PAH: variants seen among roughly 807,000 people sequenced by gnomAD.
PAH encodes phenylalanine-4-hydroxylase.
A neutral mutation model predicts 62.0 loss-of-function variants in PAH; 64 were observed. That is an observed-to-expected ratio of 1.03 (90% CI 0.84 to 1.27). The LOEUF (loss-of-function observed/expected upper bound fraction) is 1.27, where lower values mean the gene tolerates loss of function less well. Ranked by LOEUF, PAH falls within the 50% of genes most tolerant of loss-of-function variation. The pLI is 0.00. For missense variants in PAH, 579 were observed against 542.8 expected (o/e 1.07, Z -0.66); for synonymous variants, 195 against 196.2 (o/e 0.99, Z 0.05).
intron 1 of PAH, among the ~76,000 whole-genome samples, chr12:102,943,736 G>T (rs1470541605): frequency 1.3e-5 from 2 of 152,112 alleles, no homozygotes; most frequent in African/African-American, 2.4e-5. Flanking sequence ...TCATAAAAAT[G>T]AATGAAATCA....
chr12:102,898,993 G>T (rs1206802710), intron 2 of PAH, among the ~76,000 whole-genome samples: 1 of 152,206 alleles, frequency 6.6e-6, no homozygotes, highest in Non-Finnish European at 1.5e-5. Context: ...CCACAGAGGG[G>T]ACCCCACTAG....
chr12:102,889,443 ATAGATAG>A (rs1877181130), intron 3 of PAH, among the ~76,000 whole-genome samples: 1 of 150,488 alleles, frequency 6.6e-6, no homozygotes, highest in African/African-American at 2.5e-5. Flanking sequence ...AGATAGATAG[ATAGATAG>A]ATGATAGATG....
At chr12:102,897,765 G>A (rs1337133890) in intron 2 of PAH, among the ~76,000 whole-genome samples, 1 of 152,174 alleles carries the variant, frequency 6.6e-6, no homozygotes, top group South Asian at 2.1e-4. Context: ...GGCATCTGCT[G>A]AGTGCTAGGT....
At chr12:102,852,217 G>C (rs536923994) in intron 7 of PAH, 1 of 200,966 alleles carries the variant, frequency 5.0e-6, no homozygotes, top group Non-Finnish European at 1.0e-5. Flanking sequence ...ACAGCAGTGA[G>C]GGAAGAAAAC....
chr12:102,926,522 A>AG (rs1878688793), intron 1 of PAH, among the ~76,000 whole-genome samples: 1 of 151,974 alleles, frequency 6.6e-6, no homozygotes, highest in Non-Finnish European at 1.5e-5. Flanking sequence ...AGCTAAAAGT[A>AG]TTAGACTGGT....
chr12:102,866,813 A>G, intron 4 of PAH, 150 bp from the exon 5 acceptor site: 1 of 726,950 alleles, frequency 1.4e-6, no homozygotes, highest in South Asian at 1.5e-5. Context: ...GGTTAAACTT[A>G]GCTCTCCTAC....
upstream of PAH, chr12:102,917,717 G>T (rs1052348498): frequency 5.6e-5 from 9 of 160,158 alleles, no homozygotes; most frequent in Non-Finnish European, 1.2e-4. Flanking sequence ...TAGAGGGCAC[G>T]TGAACGCTGA....
intron 3 of PAH, 139 bp downstream of exon 3, chr12:102,894,596 T>C (rs1877416626): frequency 1.5e-6 from 1 of 680,168 alleles, no homozygotes; most frequent in South Asian, 1.9e-5. Context: ...TACATATATA[T>C]TAATTTTGCT....
intron 4 of PAH, among the ~76,000 whole-genome samples, chr12:102,868,004 G>GTA (rs1876080992): frequency 1.5e-5 from 2 of 130,462 alleles, no homozygotes; most frequent in Non-Finnish European, 3.2e-5. Flanking sequence ...ATGTATATAT[G>GTA]TATATACATA....
chr12:102,871,937 AAAAAAAAAAAAAATATAT>A lies in PAH; in HGVS notation c.442-5292_442-5275del, dbSNP rs1370629428. Among the ~76,000 whole-genome samples the A allele has an allele frequency of 3.5e-4, 31 of 89,284 alleles. No homozygotes were observed. In the South Asian group the frequency reaches 6.0e-3, roughly 17 times the overall value. The allele number at this position is 89,284 out of a possible 152,430, so 58.6% of individuals were successfully genotyped here. ...AACTCTGCCTCAAAAAAAAAAAAAA[AAAAAAAAAAAAAATATAT>A]ATATATATATATATATATATATATA... On this transcript the variant is annotated intron_variant, in intron 4 of 12. Coordinates refer to ENST00000553106, the MANE Select transcript of PAH (RefSeq NM_000277.3).
intron 3 of PAH, among the ~76,000 whole-genome samples, chr12:102,879,092 A>C (rs576751379): frequency 6.6e-6 from 1 of 152,092 alleles, no homozygotes; most frequent in Non-Finnish European, 1.5e-5. Flanking sequence ...CCATCTGCCT[A>C]CTTATCCTCT....
At chr12:102,915,241 TTATC>T (rs1489836361) in intron 1 of PAH, 2 of 152,244 alleles carry the variant, frequency 1.3e-5, no homozygotes, top group African/African-American at 2.4e-5. Context: ...AATCACTTCT[TTATC>T]TATGCTTTCC....
At chr12:102,855,420 G>A in intron 5 of PAH, 88 bp from the exon 6 acceptor site, 2 of 969,590 alleles carry the variant, frequency 2.1e-6, no homozygotes, top group South Asian at 1.4e-5. Flanking sequence ...TCGGGGACCA[G>A]AACCTGTGAG....
chr12:102,887,258 A>G (rs1877080712), intron 3 of PAH, among the ~76,000 whole-genome samples: 1 of 152,038 alleles, frequency 6.6e-6, no homozygotes, highest in Non-Finnish European at 1.5e-5. Context: ...AAAGAAGGGA[A>G]GGAGAAAGAA....
chr12:102,857,048 C>T (rs1230042996), intron 5 of PAH, among the ~76,000 whole-genome samples: 7 of 152,138 alleles, frequency 4.6e-5, no homozygotes, highest in Non-Finnish European at 7.4e-5. Flanking sequence ...GGAGGAAGTT[C>T]GAACCCATTG....
intron 1 of PAH, chr12:102,914,047 G>A (rs1454699612): frequency 3.8e-6 from 2 of 520,088 alleles, no homozygotes; most frequent in Non-Finnish European, 6.8e-6. Flanking sequence ...GAAACTCTTA[G>A]TGACTCAGAA....
chr12:102,890,151 C>T (rs1003154050), intron 3 of PAH, among the ~76,000 whole-genome samples: 1 of 152,178 alleles, frequency 6.6e-6, no homozygotes. Context: ...TTTTCTATCA[C>T]CCACATGGCT....
At chr12:102,926,397 T>C (rs757843305) in intron 1 of PAH, among the ~76,000 whole-genome samples, 12 of 151,666 alleles carry the variant, frequency 7.9e-5, no homozygotes, top group Non-Finnish European at 1.5e-4. Flanking sequence ...CTGAGGAGCA[T>C]ACATAAGCCA....
intron 7 of PAH, chr12:102,851,981 G>T (rs1875173138): frequency 1.9e-6 from 1 of 535,678 alleles, no homozygotes; most frequent in Non-Finnish European, 3.4e-6. Context: ...GCAGGGTAGG[G>T]CACAGCAGCC....
Sources: allele counts gnomAD v4.1 joint callset (sites outside exome capture counted in the v4.1 genomes callset), GRCh38; gene constraint gnomAD v4.1.1; transcripts MANE v1.5; gene names NCBI Gene and HGNC (gene_info 2026-07-23, HGNC 2026-07-21).